The following TSPAN15 variants were observed in gnomAD, a reference collection of about 807,000 sequenced individuals.
TSPAN15 encodes the protein tetraspanin-15.
In TSPAN15, 20 loss-of-function variants were observed where a neutral mutation model predicts 34.5. That is an observed-to-expected ratio of 0.58 (90% CI 0.41 to 0.84). The LOEUF (loss-of-function observed/expected upper bound fraction) is 0.84, where lower values mean the gene tolerates loss of function less well. Ranked by LOEUF, TSPAN15 falls within the 40% of genes least tolerant of loss-of-function variation. TSPAN15 has a pLI of 0.00. For missense variants in TSPAN15, 313 were observed against 386.1 expected (o/e 0.81, Z 1.59); for synonymous variants, 155 against 153.9 (o/e 1.01, Z -0.05).
At chr10:69,487,770 T>C (rs1841884971) in intron 3 of TSPAN15, among the ~76,000 whole-genome samples, 1 of 152,210 alleles carries the variant, frequency 6.6e-6, no homozygotes, top group Non-Finnish European at 1.5e-5. Context: ...TGGCGGAACA[T>C]CCAGGGGCCC....
intron 1 of TSPAN15, among the ~76,000 whole-genome samples, chr10:69,459,923 C>CA (rs1290860005): frequency 8.9e-6 from 1 of 112,780 alleles, no homozygotes; most frequent in African/African-American, 2.8e-5. Flanking sequence ...TCTAGGCACC[C>CA]CCCCCCCACG....
chr10:69,528,559 A>G, the TSPAN15 span, among the ~76,000 whole-genome samples: 1 of 148,594 alleles, frequency 6.7e-6, no homozygotes, highest in African/African-American at 2.4e-5. Flanking sequence ...TATTGGTTAC[A>G]GCTCTTTTAG....
At chr10:69,536,422 G>C in the TSPAN15 span, among the ~76,000 whole-genome samples, 8 of 152,320 alleles carry the variant, frequency 5.3e-5, no homozygotes, top group East Asian at 1.5e-3. Context: ...AATGGTGCCT[G>C]TCCCCAAGGG....
intron 5 of TSPAN15, among the ~76,000 whole-genome samples, chr10:69,500,997 A>C (rs1842193863): frequency 6.6e-6 from 1 of 152,150 alleles, no homozygotes; most frequent in Non-Finnish European, 1.5e-5. Flanking sequence ...TTTGCAAGTA[A>C]GCCTACAGGA....
chr10:69,478,445 A>C (rs1368701534), intron 1 of TSPAN15, among the ~76,000 whole-genome samples: 2 of 152,132 alleles, frequency 1.3e-5, no homozygotes, highest in Admixed American at 6.5e-5. Flanking sequence ...TTGTGGAATG[A>C]AGTGGTTCTC....
the TSPAN15 span, among the ~76,000 whole-genome samples, chr10:69,516,546 C>T: frequency 6.6e-6 from 1 of 152,130 alleles, no homozygotes; most frequent in South Asian, 2.1e-4. Flanking sequence ...AGTGGGAGTA[C>T]TAGGGCTCTG....
chr10:69,485,602 G>A (rs903834335), intron 3 of TSPAN15, among the ~76,000 whole-genome samples: 4 of 152,126 alleles, frequency 2.6e-5, no homozygotes, highest in Non-Finnish European at 5.9e-5. Context: ...GATCACAGAG[G>A]TCCTTGTAGG....
the TSPAN15 span, among the ~76,000 whole-genome samples, chr10:69,546,046 T>G: frequency 3.3e-5 from 5 of 152,142 alleles, no homozygotes; most frequent in Admixed American, 2.0e-4. Context: ...GTGGCCGAGT[T>G]TACCTTGTAT....
intron 1 of TSPAN15, among the ~76,000 whole-genome samples, chr10:69,459,064 A>G (rs1320403827): frequency 6.8e-6 from 1 of 146,878 alleles, no homozygotes; most frequent in Admixed American, 6.8e-5. Context: ...TTTCTGGGTA[A>G]GTCTGGTCAG....
At chr10:69,477,595 C>G (rs894879542) in intron 1 of TSPAN15, among the ~76,000 whole-genome samples, 2 of 152,216 alleles carry the variant, frequency 1.3e-5, no homozygotes, top group African/African-American at 4.8e-5. Context: ...ACCAGGGCCC[C>G]GTTTCAAGAG....
chr10:69,494,863 C>G (rs1842044420), intron 3 of TSPAN15: 3 of 985,420 alleles, frequency 3.0e-6, no homozygotes, highest in Non-Finnish European at 3.6e-6. Flanking sequence ...CCCCTTCCCA[C>G]TGTGGGGCCC....
intron 3 of TSPAN15, among the ~76,000 whole-genome samples, chr10:69,492,590 C>T (rs1302297700): frequency 1.3e-5 from 2 of 152,172 alleles, no homozygotes; most frequent in Non-Finnish European, 2.9e-5. Context: ...GATGAAAGGC[C>T]GAATTTTTCC....
intron 1 of TSPAN15, among the ~76,000 whole-genome samples, chr10:69,482,464 C>G (rs1326338384): frequency 6.6e-6 from 1 of 152,288 alleles, no homozygotes; most frequent in South Asian, 2.1e-4. Context: ...CAAAATTCTT[C>G]CTGCTCCAAC....
At chr10:69,454,246 G>A (rs975708663) in intron 1 of TSPAN15, among the ~76,000 whole-genome samples, 2 of 152,180 alleles carry the variant, frequency 1.3e-5, no homozygotes, top group Non-Finnish European at 2.9e-5. Flanking sequence ...GGCCGGGCCC[G>A]GTGGCTCATG....
chr10:69,504,759 G>A (rs1842290865), intron 6 of TSPAN15, among the ~76,000 whole-genome samples: 1 of 152,252 alleles, frequency 6.6e-6, no homozygotes, highest in Admixed American at 6.5e-5. Context: ...GCGCTTCCTG[G>A]TACCCGCAGC....
At position 69,483,767 on chromosome 10, in the gene TSPAN15, C is replaced by A. The variant is rs780384848; in HGVS notation, c.173C>A (p.Ala58Asp). The A allele has an allele frequency of 6.2e-7, 1 of 1,614,206 alleles. No individual in the cohort carries two copies. The highest frequency in any genetic ancestry group is 1.7e-5 in the Admixed American group (1 of 60,024). Residue 58 changes from alanine to aspartate, a missense_variant, in exon 2 of 8, where the codon GCC becomes GAC. Transcript: ENST00000373290. The part of the protein sequence containing the change: ...ERQKYKTLES[A>D]FLAPAIILIL... ...CAGAAATATAAAACCCTTGAAAGTG[C>A]CTTCCTGGCTCCAGCCATCATCCTC... is the stretch of plus-strand genomic sequence containing the variant.
chr10:69,530,812 CTCTCTCTCTATATATAT>C, the TSPAN15 span, among the ~76,000 whole-genome samples: 54 of 66,716 alleles, frequency 8.1e-4, 4 homozygotes, highest in African/African-American at 3.1e-3. Flanking sequence ...CTCTCTCTCT[CTCTCTCTCTATATATAT>C]ATATATATAT....
At chr10:69,496,523 C>T (rs747237118) in intron 4 of TSPAN15, among the ~76,000 whole-genome samples, 3 of 152,058 alleles carry the variant, frequency 2.0e-5, no homozygotes, top group Admixed American at 6.5e-5. Flanking sequence ...ATTCAGGAGA[C>T]GTGCTTAGAA....
the TSPAN15 span, among the ~76,000 whole-genome samples, chr10:69,516,562 C>T: frequency 1.3e-5 from 2 of 152,294 alleles, no homozygotes; most frequent in African/African-American, 4.8e-5. Flanking sequence ...CTCTGGAGGG[C>T]AGGTTCTTCA....
Sources: gnomAD v4.1 joint callset for allele counts (sites outside exome capture counted in the v4.1 genomes callset) on GRCh38, gnomAD v4.1.1 for gene constraint, MANE v1.5 for transcripts, NCBI Gene and HGNC (gene_info 2026-07-23, HGNC 2026-07-21) for gene names.